Variants in NEXN observed in about 807,000 individuals in gnomAD.
The protein encoded by NEXN is nexilin.
Under a neutral mutation model 92.6 loss-of-function variants are expected in NEXN, and 65 were observed. The observed-to-expected ratio is 0.70, with a 90% CI of 0.57 to 0.86. The LOEUF (loss-of-function observed/expected upper bound fraction) is 0.86. Among genes scored for constraint, NEXN ranks in the 40% least tolerant of loss-of-function variants. The pLI, the probability that NEXN is intolerant of heterozygous loss-of-function variation, is 0.00. For missense variants in NEXN, 778 were observed against 771.1 expected (o/e 1.01, Z -0.11); for synonymous variants, 254 against 242.5 (o/e 1.05, Z -0.44).
intron 8 of NEXN, among the ~76,000 whole-genome samples, chr1:77,928,087 TC>T (rs1650005824): frequency 6.6e-6 from 1 of 152,052 alleles, no homozygotes; most frequent in Non-Finnish European, 1.5e-5. Context: ...GGCAGGCAGA[TC>T]CCTTGAGCCC....
Position 77,926,323 on chromosome 1 carries a change from G to A in NEXN, c.490-91G>A. On this transcript the variant is annotated intron_variant, in intron 6 of 12. Transcript: ENST00000334785. ...TCTTCATAATAACATTGATGACAGT[G>A]TAATGAAATTCACCTATGATGGAGG... is the stretch of plus-strand genomic sequence containing the variant. 4 of 789,550 alleles carry A rather than the reference G, an allele frequency of 5.1e-6. No individual in the cohort carries two copies. In the South Asian group the frequency reaches 6.4e-5, roughly 13 times the overall value. 48.9% of individuals were successfully genotyped at this position (789,550 alleles called of 1,614,324 possible).
rs1402902380 is a variant in NEXN, at chr1:77,943,337, ATAAT to A, written c.*514_*517del. ...CTAAAATTAGGCTGAAATAGCTGAG[ATAAT>A]TAATTTGGAACCTATCAATTTGAGT... On this transcript the variant is annotated 3_prime_UTR_variant, in exon 13 of 13. Transcript: ENST00000334785. 2 of 176,382 alleles carry A rather than the reference ATAAT, an allele frequency of 1.1e-5. No individual in the cohort carries two copies. Among genetic ancestry groups the A allele is most frequent in the Admixed American group, 5.6e-5 (1 of 17,734 alleles). The allele number at this position is 176,382 out of a possible 1,614,324, so 10.9% of individuals were successfully genotyped here.
chr1:77,895,475 A>T (rs1352092892), intron 1 of NEXN, among the ~76,000 whole-genome samples: 1 of 152,204 alleles, frequency 6.6e-6, no homozygotes, highest in African/African-American at 2.4e-5. Flanking sequence ...ATATTTTATG[A>T]AGCTCAAAAC....
intron 1 of NEXN, among the ~76,000 whole-genome samples, chr1:77,913,583 A>G (rs911290737): frequency 4.6e-5 from 7 of 152,162 alleles, no homozygotes; most frequent in Non-Finnish European, 5.9e-5. Flanking sequence ...AAAAATGACA[A>G]TGAAATACCA....
At position 77,926,451 on chromosome 1, in the gene NEXN, T is replaced by C. The variant is rs1649849401; in HGVS notation, c.527T>C (p.Val176Ala). 6.2e-7 allele frequency: 1 copy of C among 1,607,272 alleles called. No individual in the cohort carries two copies. The highest frequency in any genetic ancestry group is 1.1e-5 in the South Asian group (1 of 89,818). ...DDSLLITVVP[V>A]KSYKTSGKMK... is the part of the protein sequence containing the mutation. ...TCACTACTTATAACTGTGGTACCTG[T>C]CAAATCATATAAAACATCTGGAAAA... Residue 176 changes from valine to alanine, a missense_variant, in exon 7 of 13, where the codon GTC (valine) becomes GCC (alanine). Transcript: ENST00000334785.
intron 10 of NEXN, among the ~76,000 whole-genome samples, chr1:77,933,995 G>C (rs952071070): frequency 7.2e-6 from 1 of 138,170 alleles, no homozygotes; most frequent in Non-Finnish European, 1.5e-5. Flanking sequence ...GCAGCACCAT[G>C]TCTGGCTAAT....
chr1:77,923,358 G>C (rs1171092988), intron 5 of NEXN, among the ~76,000 whole-genome samples: 1 of 151,926 alleles, frequency 6.6e-6, no homozygotes, highest in Non-Finnish European at 1.5e-5. Context: ...GTGATGATGA[G>C]AGAACAGGGA....
At position 77,917,745 on chromosome 1, in the gene NEXN, G is replaced by A. The variant is rs1414407444; in HGVS notation, c.207G>A (p.Arg69=). ...ATATTAGAGAGAGAGAATGGAACAG[G>A]AGAAAGCAGGAGGTTATTTTATTTT... ...EQYIREREWN[R]RKQEIKEMLA... is the part of the protein sequence containing the mutation. The change falls in exon 3 of 13, where the codon AGG becomes AGA. Residue 69 remains arginine, a synonymous_variant. Coordinates refer to ENST00000334785, the MANE Select transcript of NEXN (RefSeq NM_144573.4). The A allele has an allele frequency of 5.6e-6, 9 of 1,605,878 alleles. No homozygotes were observed. The highest frequency in any genetic ancestry group is 7.7e-6 in the Non-Finnish European group (9 of 1,173,322).
chr1:77,941,089 G>A (rs369560242), intron 11 of NEXN, among the ~76,000 whole-genome samples: 1 of 152,168 alleles, frequency 6.6e-6, no homozygotes, highest in South Asian at 2.1e-4. Flanking sequence ...CCCGAACCAA[G>A]ATTTTTCTTA....
chr1:77,914,754 G>C (rs1271518788), intron 1 of NEXN, among the ~76,000 whole-genome samples: 1 of 151,816 alleles, frequency 6.6e-6, no homozygotes, highest in Non-Finnish European at 1.5e-5. Context: ...CTACTCAGGA[G>C]GCTGAGGCAG....
Position 77,926,817 on chromosome 1 carries a change from G to A in NEXN, c.789G>A (p.Lys263=), listed in dbSNP as rs773726201. Residue 263 remains lysine, a synonymous_variant, in exon 8 of 13, where the codon AAG becomes AAA. Coordinates refer to ENST00000334785, the MANE Select transcript of NEXN (RefSeq NM_144573.4). ...AGCGACAAAGACAAGAAAACCGAAA[G>A]AAGCAAGCTGAAGAGGAAGCAAGAA... The part of the protein sequence containing the change: ...ELERQRQENR[K]KQAEEEARKR... 4 of 1,613,864 alleles carry A rather than the reference G, an allele frequency of 2.5e-6. No individual in the cohort carries two copies. The African/African-American group carries it at 5.3e-5, about 22-fold the overall frequency.
rs571306733 is a variant in NEXN, at chr1:77,924,832, G to C, written c.448-356G>C. On this transcript the variant is annotated intron_variant, in intron 5 of 12. Coordinates refer to ENST00000334785, the MANE Select transcript of NEXN (RefSeq NM_144573.4). ...GTGCCACCATGCCCAGCTAACTTTT[G>C]TACTTTTTGTAGAGAAGGGATCTCG... Among the ~76,000 whole-genome samples, 44 of 152,022 alleles carry C rather than the reference G, an allele frequency of 2.9e-4. 3 individuals carry two copies. The highest frequency in any genetic ancestry group is 1.0e-3 in the African/African-American group (43 of 41,484).
At chr1:77,904,126 GAC>G (rs547792435) in intron 1 of NEXN, among the ~76,000 whole-genome samples, 1,848 of 152,110 alleles carry the variant, frequency 0.012, 21 homozygotes, top group Non-Finnish European at 0.018. Context: ...CCTAGTAGCT[GAC>G]ATAACAGGTA....
intron 1 of NEXN, among the ~76,000 whole-genome samples, chr1:77,908,561 T>C (rs780558312): frequency 4.7e-4 from 71 of 151,884 alleles, no homozygotes; most frequent in Admixed American, 9.8e-4. Flanking sequence ...CCACCACTCC[T>C]GGCTAATTTT....
At chr1:77,930,838 T>C (rs1002639176) in intron 9 of NEXN, among the ~76,000 whole-genome samples, 4 of 152,232 alleles carry the variant, frequency 2.6e-5, no homozygotes, top group Non-Finnish European at 5.9e-5. Context: ...TTACAGCATT[T>C]AGTACTCTTC....
intron 1 of NEXN, among the ~76,000 whole-genome samples, chr1:77,893,272 C>T (rs1647149110): frequency 6.6e-6 from 1 of 152,034 alleles, no homozygotes; most frequent in Non-Finnish European, 1.5e-5. Flanking sequence ...CTTTTGCCTC[C>T]CCATTCCACT....
intron 8 of NEXN, among the ~76,000 whole-genome samples, chr1:77,927,588 CTGTGTGTGTGTGTCTGTG>C (rs1649956722): frequency 1.4e-5 from 2 of 144,682 alleles, no homozygotes; most frequent in African/African-American, 5.2e-5. Flanking sequence ...GTGCATGCCT[CTGTGTGTGTGTGTCTGTG>C]TGTGTGTGTG....
At position 77,928,432 on chromosome 1, in the gene NEXN, A is replaced by G. The variant is rs1001612926; in HGVS notation, c.865-884A>G. 2.6e-5 allele frequency among the ~76,000 whole-genome samples: 4 copies of G among 151,932 alleles called. No individual in the cohort carries two copies. In the South Asian group the frequency reaches 8.3e-4, roughly 31 times the overall value. ...TATATATAAAAATTTAATTTTCTAGACATTTATTTGAAAATGTTATTACTC... is the reference window on the plus strand; with the variant it reads ...TATATATAAAAATTTAATTTTCTAGGCATTTATTTGAAAATGTTATTACTC... On this transcript the variant is annotated intron_variant, in intron 8 of 12. Transcript: ENST00000334785.
rs751378631 is a variant in NEXN at position 77,918,140 on chromosome 1, G to C, written c.314G>C (p.Arg105Thr). 1.9e-6 allele frequency: 3 copies of C among 1,613,972 alleles called. No homozygotes were observed. In the Admixed American group the frequency reaches 5.0e-5, roughly 27 times the overall value. ...VPKLTGTVKG[R>T]FAEMEKQRQE... is the part of the protein sequence containing the mutation. ...ATATTTTTAGGAACTGTGAAGGGTA[G>C]ATTTGCTGAAATGGAGAAACAAAGA... The change falls in exon 5 of 13, where the codon AGA becomes ACA. Residue 105 changes from arginine to threonine, a missense_variant. This residue lies in a region of NEXN where 236 missense variants were observed against 265.6 expected (regional missense o/e 0.89). Transcript: ENST00000334785.
Sources: gnomAD v4.1 joint callset for allele counts (sites outside exome capture counted in the v4.1 genomes callset) on GRCh38, gnomAD v4.1.1 for gene constraint, gnomAD v4.1.1 regional missense constraint, MANE v1.5 for transcripts, NCBI Gene and HGNC (gene_info 2026-07-23, HGNC 2026-07-21) for gene names.